Variants in MYSM1 observed in about 807,000 individuals in gnomAD.
The protein encoded by MYSM1 is Myb like, SWIRM and MPN domains 1.
Under a neutral mutation model 116.0 loss-of-function variants are expected in MYSM1, and 51 were observed. The ratio of observed to expected loss-of-function variants is 0.44; its 90% CI spans 0.35 to 0.56. The LOEUF (loss-of-function observed/expected upper bound fraction) is 0.56. Ranked by LOEUF, MYSM1 falls within the 20% of genes least tolerant of loss-of-function variation. MYSM1 has a pLI of 0.00. For synonymous variants in MYSM1, 313 were observed against 315.2 expected, an observed-to-expected ratio of 0.99 and a Z score of 0.07; for missense variants, 900 against 974.9, an observed-to-expected ratio of 0.92 and a Z score of 1.02.
intron 13 of MYSM1, 53 bp from the exon 14 acceptor site, chr1:58,668,735 G>C: frequency 1.7e-5 from 25 of 1,507,204 alleles, no homozygotes; most frequent in Non-Finnish European, 2.3e-5. Flanking sequence ...AGAGATTTTT[G>C]TTTTCCCCAC....
At chr1:58,684,561 T>C (rs1359099583) in intron 7 of MYSM1, among the ~76,000 whole-genome samples, 1 of 129,300 alleles carries the variant, frequency 7.7e-6, no homozygotes, top group Admixed American at 8.3e-5. Flanking sequence ...CAAGACTCTG[T>C]CTCAAAAAAA....
rs2100658775 is a variant in MYSM1 at position 58,685,224 on chromosome 1, T to C, written c.427A>G (p.Ile143Val). Residue 143 changes from isoleucine to valine, a missense_variant, in exon 7 of 20, where the codon ATT becomes GTT. Transcript: ENST00000472487. ...LAKFGRRWTK[I>V]SKLIGSRTVL... ...GTGCGGCTTCCAATTAGCTTTGAAA[T>C]TTTGGTCCATCTTCGGCCAAATTTA... is the stretch of plus-strand genomic sequence containing the variant. 2 of 1,608,050 alleles carry C rather than the reference T, an allele frequency of 1.2e-6. No individual in the cohort carries two copies. Among genetic ancestry groups the C allele is most frequent in the Non-Finnish European group, 1.7e-6 (2 of 1,178,214 alleles).
Position 58,667,889 on chromosome 1 carries a change from A to G in MYSM1, c.1800T>C (p.Gly600=), listed in dbSNP as rs779851020. Residue 600 remains glycine (G), a synonymous_variant, in exon 15 of 20, where the codon GGT becomes GGC. Transcript: ENST00000472487. The part of the protein sequence containing the change: ...HAHVSMAEVI[G]LLGGRYSEVD... ...CTTCTGAGTATCTTCCTCCTAACAG[A>G]CCAATCACTTCTGCCATAGAAACAT... 19 of 1,612,802 alleles carry G rather than the reference A, an allele frequency of 1.2e-5. No homozygotes were observed. The Middle Eastern group carries it at 9.9e-4, about 84-fold the overall frequency.
intron 11 of MYSM1, among the ~76,000 whole-genome samples, chr1:58,673,115 G>T (rs1359415023): frequency 6.6e-6 from 1 of 152,174 alleles, no homozygotes; most frequent in Non-Finnish European, 1.5e-5. Context: ...GTGAGATTAA[G>T]TAGTTGCTTA....
chr1:58,679,115 A>C (rs584284), intron 8 of MYSM1, among the ~76,000 whole-genome samples: 3 of 152,058 alleles, frequency 2.0e-5, no homozygotes, highest in Admixed American at 2.0e-4. Context: ...TTATGAAAAG[A>C]ATCTTTATCT....
intron 6 of MYSM1, 65 bp from the exon 7 acceptor site, chr1:58,685,316 C>T (rs1359615335): frequency 2.0e-6 from 2 of 981,184 alleles, no homozygotes; most frequent in South Asian, 3.3e-5. Flanking sequence ...GTCCAAGCCA[C>T]TACCACATTA....
Position 58,700,060 on chromosome 1 carries a change from C to T in MYSM1, c.-8G>A, listed in dbSNP as rs756131722. The T allele has an allele frequency of 2.5e-6, 4 of 1,613,616 alleles. No individual in the cohort carries two copies. The highest frequency in any genetic ancestry group is 3.4e-6 in the Non-Finnish European group (4 of 1,179,966). ...CGCCTCTTCAGCCGCCATGATGGGACCTGACCCCGTCCGTCCTCCCGAGAG... is the reference window on the plus strand; with the variant it reads ...CGCCTCTTCAGCCGCCATGATGGGATCTGACCCCGTCCGTCCTCCCGAGAG... On this transcript the variant is annotated 5_prime_UTR_variant, in exon 1 of 20. Transcript: ENST00000472487.
At chr1:58,677,182 T>G in intron 8 of MYSM1, 126 bp from the exon 9 acceptor site, 1 of 717,612 alleles carries the variant, frequency 1.4e-6, no homozygotes, top group South Asian at 1.8e-5. Flanking sequence ...AAATGTGTAA[T>G]AAATACAATA....
chr1:58,682,586 T>A, intron 7 of MYSM1, 41 bp from the exon 8 acceptor site: 1 of 1,485,964 alleles, frequency 6.7e-7, no homozygotes, highest in Non-Finnish European at 9.0e-7. Flanking sequence ...ATATTAAGAT[T>A]TAAAAATTTA....
chr1:58,671,764 T>C (rs1356294742), intron 12 of MYSM1, 106 bp downstream of exon 12: 2 of 811,200 alleles, frequency 2.5e-6, no homozygotes, highest in East Asian at 5.9e-5. Context: ...GCAGTATTTT[T>C]TTAAACTTAA....
rs772666295 is a variant in MYSM1, at chr1:58,681,964, G to C, written c.1080C>G (p.Cys360Trp). The C allele has an allele frequency of 6.2e-7, 1 of 1,613,870 alleles. No individual in the cohort carries two copies. The highest frequency in any genetic ancestry group is 8.5e-7 in the Non-Finnish European group (1 of 1,179,982). ...CCTCATGGCTTTCCTCTACCATTTGGCAAGAATGAAAAAGCATTTCATTAT... is the reference window on the plus strand; with the variant it reads ...CCTCATGGCTTTCCTCTACCATTTGCCAAGAATGAAAAAGCATTTCATTAT... ...LNDNEMLFHS[C>W]QMVEESHEEE... Residue 360 changes from cysteine (C) to tryptophan (W), a missense_variant, in exon 8 of 20, where the codon TGC (cysteine) becomes TGG (tryptophan). Cys to Trp is a radical substitution (Grantham distance 215). This residue lies in a region of MYSM1 where 622 missense variants were observed against 623.7 expected (regional missense o/e 1.00). Coordinates refer to ENST00000472487, the MANE Select transcript of MYSM1 (RefSeq NM_001085487.3).
In MYSM1 at chr1:58,659,980, T is replaced by C; in HGVS notation, c.*17A>G. 6.9e-7 allele frequency: 1 copy of C among 1,442,332 alleles called. No individual in the cohort carries two copies. 89.3% of individuals were successfully genotyped at this position (1,442,332 alleles called of 1,614,324 possible). ...GATCTACTGTGTCAAGATTAAAATG[T>C]CTTAACTTTAAAATAATCACATTAA... is the stretch of plus-strand genomic sequence containing the variant. On this transcript the variant is annotated 3_prime_UTR_variant, in exon 20 of 20. Coordinates refer to ENST00000472487, the MANE Select transcript of MYSM1 (RefSeq NM_001085487.3).
intron 16 of MYSM1, among the ~76,000 whole-genome samples, chr1:58,666,478 AACTG>A (rs1230217256): frequency 6.6e-6 from 1 of 152,132 alleles, no homozygotes; most frequent in African/African-American, 2.4e-5. Flanking sequence ...TTAATAAAAT[AACTG>A]ACTTTCTAAA....
Position 58,661,466 on chromosome 1 carries a change from T to C in MYSM1, c.2210A>G (p.Gln737Arg). The part of the protein sequence containing the change: ...FEVQQMLEEP[Q>R]WGLVFEKTRW... ...TGTCTTTTCAAATACTAATCCCCAC[T>C]GAGGTTCTTCTAACATCTGCTGTAC... Residue 737 changes from glutamine to arginine, a missense_variant, in exon 18 of 20, where the codon CAG becomes CGG. Coordinates refer to ENST00000472487, the MANE Select transcript of MYSM1 (RefSeq NM_001085487.3). The C allele has an allele frequency of 6.2e-7, 1 of 1,609,182 alleles. No individual in the cohort carries two copies. Among genetic ancestry groups the C allele is most frequent in the Admixed American group, 1.7e-5 (1 of 59,852 alleles).
intron 7 of MYSM1, among the ~76,000 whole-genome samples, chr1:58,683,619 C>T (rs1261250148): frequency 2.0e-5 from 3 of 152,030 alleles, no homozygotes; most frequent in Admixed American, 1.3e-4. Flanking sequence ...TCCTTACCTA[C>T]GAAGTTTTTA....
chr1:58,683,489 ATT>A (rs1301521758), intron 7 of MYSM1, among the ~76,000 whole-genome samples: 5 of 152,206 alleles, frequency 3.3e-5, no homozygotes, highest in Non-Finnish European at 7.4e-5. Context: ...AAAAAGAGAG[ATT>A]ATATTAAGCC....
At chr1:58,677,247 A>T (rs1644668367) in intron 8 of MYSM1, among the ~76,000 whole-genome samples, 191 bp from the exon 9 acceptor site, 1 of 152,186 alleles carries the variant, frequency 6.6e-6, no homozygotes, top group African/African-American at 2.4e-5. Context: ...CTTAAATGAT[A>T]CAATAACTTA....
intron 10 of MYSM1, 41 bp downstream of exon 10, chr1:58,675,436 G>A: frequency 3.5e-6 from 5 of 1,419,178 alleles, no homozygotes; most frequent in Non-Finnish European, 4.9e-6. Context: ...AACAGAGTAA[G>A]CAGCAATGTG....
At chr1:58,699,660 T>C (rs759740150) in intron 1 of MYSM1, 14 of 985,326 alleles carry the variant, frequency 1.4e-5, no homozygotes, top group Non-Finnish European at 1.6e-5. Flanking sequence ...TTCTAGTTAC[T>C]GTCGATGAGA....
Sources: allele counts gnomAD v4.1 joint callset (sites outside exome capture counted in the v4.1 genomes callset), GRCh38; gene constraint gnomAD v4.1.1; regional missense constraint gnomAD v4.1.1; transcripts MANE v1.5; gene names NCBI Gene and HGNC (gene_info 2026-07-23, HGNC 2026-07-21).